The following CSMD1 variants were observed in gnomAD, a reference collection of about 807,000 sequenced individuals.
CSMD1 encodes CUB and sushi domain-containing protein 1.
CSMD1 carries 213 observed loss-of-function variants against 417.5 expected under a neutral mutation model. That is an observed-to-expected ratio of 0.51 (90% CI 0.46 to 0.57). CSMD1 has a LOEUF of 0.57. Among genes scored for constraint, CSMD1 ranks in the 20% least tolerant of loss-of-function variants. The pLI, the probability that CSMD1 is intolerant of heterozygous loss-of-function variation, is 0.00. For missense variants in CSMD1, 6,923 were observed against 4,529.7 expected (o/e 1.53, Z -15.17); for synonymous variants, 2,862 against 1,736.8 (o/e 1.65, Z -16.11).
intron 3 of CSMD1, among the ~76,000 whole-genome samples, chr8:4,067,180 G>A (rs1370808662): frequency 6.6e-6 from 1 of 152,186 alleles, no homozygotes; most frequent in Non-Finnish European, 1.5e-5. Flanking sequence ...TGGGTGAAAG[G>A]CTATCCTCCG....
intron 5 of CSMD1, among the ~76,000 whole-genome samples, chr8:3,826,342 T>C (rs544882228): frequency 1.3e-5 from 2 of 152,100 alleles, no homozygotes; most frequent in East Asian, 3.9e-4. Context: ...TAAAAGAATG[T>C]TTGGGTTTGA....
At chr8:3,737,573 C>A (rs969324871) in intron 6 of CSMD1, among the ~76,000 whole-genome samples, 1 of 152,076 alleles carries the variant, frequency 6.6e-6, no homozygotes, top group African/African-American at 2.4e-5. Flanking sequence ...CATATATCCT[C>A]CTATGTCATT....
At chr8:4,500,151 G>C (rs976790122) in intron 2 of CSMD1, among the ~76,000 whole-genome samples, 1 of 152,160 alleles carries the variant, frequency 6.6e-6, no homozygotes, top group East Asian at 1.9e-4. Context: ...AGTTATACGA[G>C]GTGAAAAGTA....
At chr8:3,844,202 G>C (rs375092021) in intron 5 of CSMD1, among the ~76,000 whole-genome samples, 1 of 152,122 alleles carries the variant, frequency 6.6e-6, no homozygotes, top group East Asian at 1.9e-4. Context: ...CTTTAAGAAG[G>C]GTGTTGAAGA....
chr8:3,498,059 G>C (rs1200022099), intron 10 of CSMD1, among the ~76,000 whole-genome samples: 2 of 152,096 alleles, frequency 1.3e-5, no homozygotes, highest in Non-Finnish European at 2.9e-5. Context: ...GTATAGCTTT[G>C]CTGGGTATAG....
At chr8:4,408,195 G>C (rs887282858) in intron 3 of CSMD1, among the ~76,000 whole-genome samples, 1 of 152,230 alleles carries the variant, frequency 6.6e-6, no homozygotes, top group African/African-American at 2.4e-5. Flanking sequence ...AATCAGTGTT[G>C]CAAGTTGACA....
chr8:4,764,275 G>A (rs1237073619), intron 1 of CSMD1, among the ~76,000 whole-genome samples: 6 of 152,154 alleles, frequency 3.9e-5, no homozygotes, highest in African/African-American at 1.4e-4. Context: ...TATAATATTG[G>A]GGGTAGAGGT....
chr8:4,366,629 A>T (rs753302941), intron 3 of CSMD1, among the ~76,000 whole-genome samples: 2 of 152,058 alleles, frequency 1.3e-5, no homozygotes, highest in Non-Finnish European at 2.9e-5. Context: ...ATTTTGACTC[A>T]TGAGAGATGG....
At chr8:4,214,897 A>G (rs963882219) in intron 3 of CSMD1, among the ~76,000 whole-genome samples, 5 of 152,180 alleles carry the variant, frequency 3.3e-5, no homozygotes, top group African/African-American at 9.6e-5. Context: ...TTCTTTTTTA[A>G]GTTTTACAAC....
intron 25 of CSMD1, among the ~76,000 whole-genome samples, chr8:3,299,344 C>G (rs1044673333): frequency 1.3e-5 from 2 of 152,056 alleles, no homozygotes; most frequent in Non-Finnish European, 2.9e-5. Context: ...CCCAGCTACT[C>G]AGGAGGCTCA....
intron 3 of CSMD1, among the ~76,000 whole-genome samples, chr8:4,408,114 G>A (rs1280994176): frequency 6.6e-6 from 1 of 152,220 alleles, no homozygotes; most frequent in East Asian, 1.9e-4. Context: ...TGCCTGAATG[G>A]AAAAACAAAA....
At chr8:3,930,622 T>C (rs1851596) in intron 5 of CSMD1, among the ~76,000 whole-genome samples, 109,421 of 149,426 alleles carry the variant, frequency 0.73, 41,975 homozygotes, top group African/African-American at 0.86. Context: ...AGGGTGGCCG[T>C]GTCAGGTTAT....
intron 26 of CSMD1, among the ~76,000 whole-genome samples, chr8:3,262,185 ATATATATATATATATATATAT>A (rs1404686067): frequency 2.2e-5 from 1 of 46,318 alleles, no homozygotes; most frequent in African/African-American, 1.1e-4. Flanking sequence ...GCTCATATGA[ATATATATATATATATATATAT>A]ATATATATAT....
chr8:4,838,101 G>C (rs4875395), intron 1 of CSMD1, among the ~76,000 whole-genome samples: 67,224 of 151,854 alleles, frequency 0.44, 15,264 homozygotes, highest in Non-Finnish European at 0.5. Context: ...AAATTAGTGA[G>C]AATAAAGAAA....
chr8:4,337,164 C>G (rs1451995028), intron 3 of CSMD1, among the ~76,000 whole-genome samples: 4 of 152,136 alleles, frequency 2.6e-5, no homozygotes, highest in Non-Finnish European at 5.9e-5. Flanking sequence ...ACTACTCTAT[C>G]TATACCTCTG....
intron 5 of CSMD1, among the ~76,000 whole-genome samples, chr8:3,899,375 G>C (rs1307822430): frequency 6.6e-6 from 1 of 152,168 alleles, no homozygotes; most frequent in Admixed American, 6.5e-5. Flanking sequence ...GGCACAAAGA[G>C]TGACTGAACA....
At chr8:3,808,731 T>C (rs1019753350) in intron 5 of CSMD1, among the ~76,000 whole-genome samples, 26 of 152,240 alleles carry the variant, frequency 1.7e-4, no homozygotes, top group African/African-American at 6.0e-4. Flanking sequence ...CAACTCTCTC[T>C]CTTTCCTAGC....
At chr8:3,342,305 T>G (rs1807709387) in intron 23 of CSMD1, among the ~76,000 whole-genome samples, 1 of 152,202 alleles carries the variant, frequency 6.6e-6, no homozygotes, top group African/African-American at 2.4e-5. Context: ...GGATGATTAT[T>G]ATCTTTTGCA....
chr8:4,137,262 T>C (rs761954496), intron 3 of CSMD1, among the ~76,000 whole-genome samples: 10 of 152,132 alleles, frequency 6.6e-5, no homozygotes, highest in East Asian at 1.9e-4. Context: ...CTATGAGAAA[T>C]TGATAAAGAA....
Sources: gnomAD v4.1 joint callset for allele counts (sites outside exome capture counted in the v4.1 genomes callset) on GRCh38, gnomAD v4.1.1 for gene constraint, MANE v1.5 for transcripts, NCBI Gene and HGNC (gene_info 2026-07-23, HGNC 2026-07-21) for gene names.